DENND4C: variants seen among roughly 807,000 people sequenced by gnomAD.
The protein encoded by DENND4C is DENN domain-containing protein 4C.
Under a neutral mutation model 203.0 loss-of-function variants are expected in DENND4C, and 108 were observed. That is an observed-to-expected ratio of 0.53 (90% CI 0.46 to 0.62). The LOEUF is 0.62. DENND4C is among the 20% of genes least tolerant of loss of function. The probability of loss-of-function intolerance (pLI) is 0.00; values close to 1 mark genes in which losing one functional copy is unlikely to be tolerated. For synonymous variants in DENND4C, 871 were observed against 792.4 expected (o/e 1.10, Z -1.67); for missense variants, 2,481 against 2,301.2 (o/e 1.08, Z -1.60).
At chr9:19,319,349 T>TACAC (rs1256662574) in intron 12 of DENND4C, among the ~76,000 whole-genome samples, 1,872 of 51,870 alleles carry the variant, frequency 0.036, 69 homozygotes, top group African/African-American at 0.096. Context: ...CATATATATA[T>TACAC]ACTTATATAT....
At chr9:19,234,165 GTTTA>G (rs1460377350) in intron 1 of DENND4C, among the ~76,000 whole-genome samples, 1 of 151,954 alleles carries the variant, frequency 6.6e-6, no homozygotes, top group African/African-American at 2.4e-5. Flanking sequence ...TACTGCCTCA[GTTTA>G]TTTAACCATT....
intron 31 of DENND4C, chr9:19,371,293 T>A (rs1219343200): frequency 6.5e-6 from 1 of 154,174 alleles, no homozygotes; most frequent in Non-Finnish European, 1.4e-5. Context: ...CCACACCACC[T>A]TTTACATTGT....
At chr9:19,345,033 A>G (rs1228921484) in intron 22 of DENND4C, among the ~76,000 whole-genome samples, 1 of 152,086 alleles carries the variant, frequency 6.6e-6, no homozygotes, top group Admixed American at 6.6e-5. Context: ...TTATCTTTCA[A>G]AGGCCCTGCC....
At chr9:19,339,715 T>C (rs1821194927) in intron 20 of DENND4C, among the ~76,000 whole-genome samples, 1 of 152,228 alleles carries the variant, frequency 6.6e-6, no homozygotes, top group African/African-American at 2.4e-5. Context: ...ACACTTTCTC[T>C]TTTAAATTTG....
chr9:19,252,221 G>A (rs1453518648), intron 1 of DENND4C, among the ~76,000 whole-genome samples: 4 of 152,144 alleles, frequency 2.6e-5, no homozygotes, highest in Non-Finnish European at 5.9e-5. Flanking sequence ...GAGAGCTGGT[G>A]CAGGGAAACT....
intron 12 of DENND4C, 21 bp downstream of exon 12, chr9:19,316,860 A>C (rs774337274): frequency 6.3e-7 from 1 of 1,575,514 alleles, no homozygotes; most frequent in Admixed American, 1.9e-5. Flanking sequence ...TTGAAAGTAC[A>C]ATTCCTTTTA....
chr9:19,271,758 G>A (rs550976800), intron 1 of DENND4C, among the ~76,000 whole-genome samples: 31 of 151,624 alleles, frequency 2.0e-4, no homozygotes, highest in Admixed American at 7.9e-4. Context: ...CCAGCTACTC[G>A]GGAGGCTGAG....
Position 19,342,746 on chromosome 9 carries a change from A to G in DENND4C, c.3118A>G (p.Ile1040Val), listed in dbSNP as rs1279924045. The part of the protein sequence containing the change: ...GSSIVKVPSG[I>V]FDVNSRKSST... ...CAGTATTGTGAAAGTTCCGTCTGGT[A>G]TATTTGATGTCAACAGCAGGAAAAG... Residue 1040 changes from isoleucine (I) to valine (V), a missense_variant, in exon 22 of 33, where the codon ATA becomes GTA. Around this residue, in one of 3 missense-constraint regions of DENND4C, gnomAD observed 2,289 missense variants for 2,113.3 expected, o/e 1.08. Coordinates refer to ENST00000434457, the MANE Select transcript of DENND4C (RefSeq NM_001330640.2). 1.2e-6 allele frequency: 2 copies of G among 1,609,802 alleles called. No individual in the cohort carries two copies. Among genetic ancestry groups the G allele is most frequent in the Non-Finnish European group, 1.7e-6 (2 of 1,178,224 alleles).
At chr9:19,251,951 C>T (rs1222290463) in intron 1 of DENND4C, among the ~76,000 whole-genome samples, 2 of 152,172 alleles carry the variant, frequency 1.3e-5, no homozygotes, top group South Asian at 4.1e-4. Flanking sequence ...CAAACTGTTC[C>T]AGCCTCTGCC....
intron 1 of DENND4C, among the ~76,000 whole-genome samples, chr9:19,273,961 C>T (rs373789017): frequency 2.0e-5 from 3 of 152,118 alleles, no homozygotes; most frequent in African/African-American, 7.2e-5. Context: ...CATGGGTATT[C>T]ACAGCAGCTT....
chr9:19,360,310 C>G lies in DENND4C; in HGVS notation c.5227C>G (p.Arg1743Gly). 6.2e-7 allele frequency: 1 copy of G among 1,613,880 alleles called. No homozygotes were observed. The highest frequency in any genetic ancestry group is 8.5e-7 in the Non-Finnish European group (1 of 1,179,868). ...GCCCTACTTGAGTCCTCTAGTACTC[C>G]GTAAAGAACTTGAATCTTTGCTAGA... ...SVPYLSPLVL[R>G]KELESLLENE... Residue 1743 changes from arginine (R) to glycine (G), a missense_variant, in exon 29 of 33, where the codon CGT (arginine) becomes GGT (glycine). Physicochemically the swap from Arg to Gly is moderately radical, Grantham distance 125. Transcript: ENST00000434457.
At chr9:19,273,256 T>C (rs1206752073) in intron 1 of DENND4C, among the ~76,000 whole-genome samples, 1 of 151,844 alleles carries the variant, frequency 6.6e-6, no homozygotes, top group Non-Finnish European at 1.5e-5. Context: ...TGGCAATTTT[T>C]GTATTTTTTA....
At chr9:19,257,655 A>C (rs529335067) in intron 1 of DENND4C, among the ~76,000 whole-genome samples, 1 of 152,366 alleles carries the variant, frequency 6.6e-6, no homozygotes, top group East Asian at 1.9e-4. Flanking sequence ...CAGGCTGATC[A>C]GACATAAAAG....
intron 2 of DENND4C, among the ~76,000 whole-genome samples, chr9:19,285,333 T>G (rs988956670): frequency 1.3e-5 from 2 of 152,172 alleles, no homozygotes; most frequent in Non-Finnish European, 2.9e-5. Context: ...ACAGTTCACT[T>G]ACTTAAAGTG....
At chr9:19,345,797 C>G in intron 22 of DENND4C, 124 bp from the exon 23 acceptor site, 1 of 947,828 alleles carries the variant, frequency 1.1e-6, no homozygotes, top group Non-Finnish European at 1.5e-6. Context: ...TTTATGGCCT[C>G]TAAATTTTCT....
At chr9:19,369,691 T>C in intron 30 of DENND4C, 146 bp from the exon 31 acceptor site, 1 of 364,648 alleles carries the variant, frequency 2.7e-6, no homozygotes, top group Non-Finnish European at 4.5e-6. Context: ...CACTTGAGCC[T>C]GGGAGACGAA....
Position 19,328,110 on chromosome 9 carries a change from CTGGGAA to C in DENND4C, c.2203_2208del (p.Gly735_Asn736del). ...AAACTTTGTTTTAGTAGACACCCTACTGGGAATAGCATTACAAAGAGTCCACCTCTC... is the reference window on the plus strand; with the variant it reads ...AAACTTTGTTTTAGTAGACACCCTACTAGCATTACAAAGAGTCCACCTCTC... On this transcript the variant is annotated inframe_deletion, in exon 16 of 33. Transcript: ENST00000434457. The C allele has an allele frequency of 6.2e-7, 1 of 1,613,590 alleles. No homozygotes were observed. Among genetic ancestry groups the C allele is most frequent in the Non-Finnish European group, 8.5e-7 (1 of 1,179,798 alleles).
intron 4 of DENND4C, 68 bp from the exon 5 acceptor site, chr9:19,290,636 A>G (rs1253765092): frequency 1.7e-5 from 18 of 1,085,156 alleles, no homozygotes; most frequent in Non-Finnish European, 1.6e-5. Flanking sequence ...TTCCATTAAT[A>G]CCTATCATAT....
intron 31 of DENND4C, chr9:19,371,506 C>T: frequency 3.8e-6 from 1 of 262,346 alleles, no homozygotes; most frequent in Non-Finnish European, 7.2e-6. Context: ...TATGTTTTAA[C>T]TTTAATTTGG....
Sources: gnomAD v4.1 joint callset for allele counts (sites outside exome capture counted in the v4.1 genomes callset) on GRCh38, gnomAD v4.1.1 for gene constraint, gnomAD v4.1.1 regional missense constraint, MANE v1.5 for transcripts, NCBI Gene and HGNC (gene_info 2026-07-23, HGNC 2026-07-21) for gene names.